The following IPO7 variants were observed in gnomAD, a reference collection of about 807,000 sequenced individuals.
IPO7 encodes importin-7.
A neutral mutation model predicts 136.4 loss-of-function variants in IPO7; 13 were observed. That is an observed-to-expected ratio of 0.10 (90% CI 0.06 to 0.15). The LOEUF (loss-of-function observed/expected upper bound fraction) is 0.15. Among genes scored for constraint, IPO7 ranks in the 10% least tolerant of loss-of-function variants. The pLI is 1.00. For missense variants in IPO7, 857 were observed against 1,240.6 expected, an observed-to-expected ratio of 0.69 and a Z score of 4.65; for synonymous variants, 403 against 404.4, an observed-to-expected ratio of 1.00 and a Z score of 0.04.
At chr11:9,410,899 T>G (rs1006106519) in intron 4 of IPO7, among the ~76,000 whole-genome samples, 6 of 152,206 alleles carry the variant, frequency 3.9e-5, no homozygotes, top group African/African-American at 1.4e-4. Flanking sequence ...CCCCTCTAAT[T>G]CTGGGACTTG....
intron 19 of IPO7, 123 bp downstream of exon 19, chr11:9,435,154 G>A: frequency 3.0e-6 from 2 of 657,314 alleles, no homozygotes; most frequent in Non-Finnish European, 5.2e-6. Flanking sequence ...ACAGAATTAA[G>A]GGCTTTAAAA....
intron 1 of IPO7, among the ~76,000 whole-genome samples, chr11:9,396,239 C>T (rs1157025220): frequency 6.6e-6 from 1 of 151,746 alleles, no homozygotes; most frequent in Non-Finnish European, 1.5e-5. Flanking sequence ...ACTAAAAATA[C>T]AAAAATTAGC....
chr11:9,436,515 CTA>C, intron 20 of IPO7, 149 bp downstream of exon 20: 1 of 554,444 alleles, frequency 1.8e-6, no homozygotes, highest in Non-Finnish European at 3.2e-6. Flanking sequence ...CAAAATGTAA[CTA>C]ATATATAATA....
intron 7 of IPO7, 28 bp downstream of exon 7, chr11:9,420,533 A>G: frequency 6.3e-7 from 1 of 1,576,534 alleles, no homozygotes; most frequent in South Asian, 1.1e-5. Context: ...TGGTGATTTA[A>G]ATTAATTTAT....
At chr11:9,410,137 G>T in intron 4 of IPO7, 51 bp downstream of exon 4, 1 of 1,318,300 alleles carries the variant, frequency 7.6e-7, no homozygotes, top group Non-Finnish European at 1.0e-6. Context: ...GGAAAAGTTG[G>T]GAAAATTTAA....
At position 9,418,008 on chromosome 11, in the gene IPO7, C is replaced by T. The variant is rs370725046; in HGVS notation, c.726+860C>T. Among the ~76,000 whole-genome samples the T allele has an allele frequency of 9.4e-5, 14 of 148,614 alleles. 1 individual carries two copies. The highest frequency in any genetic ancestry group is 4.1e-4 in the East Asian group (2 of 4,926). On this transcript the variant is annotated intron_variant, in intron 6 of 24. Coordinates refer to ENST00000379719, the MANE Select transcript of IPO7 (RefSeq NM_006391.3). Reference sequence around the variant, plus strand: ...GATTACAGGCGTGAGCCACTGTGCCCGGCCTATAGTCTAGTTTTCTAGAGA... The same window carrying T: ...GATTACAGGCGTGAGCCACTGTGCCTGGCCTATAGTCTAGTTTTCTAGAGA...
At chr11:9,439,050 A>G (rs1477325868) in intron 22 of IPO7, among the ~76,000 whole-genome samples, 2 of 152,170 alleles carry the variant, frequency 1.3e-5, no homozygotes, top group African/African-American at 4.8e-5. Flanking sequence ...GAGGTATCAG[A>G]TTCGCTTGAG....
intron 6 of IPO7, among the ~76,000 whole-genome samples, chr11:9,417,808 G>A (rs968150347): frequency 4.0e-5 from 6 of 151,000 alleles, no homozygotes; most frequent in Non-Finnish European, 5.9e-5. Flanking sequence ...CGCCTCCCAG[G>A]TTCACGCGAT....
intron 12 of IPO7, among the ~76,000 whole-genome samples, chr11:9,425,869 ACT>A (rs1317375150): frequency 1.0e-4 from 13 of 129,158 alleles, no homozygotes; most frequent in Non-Finnish European, 1.8e-4. Flanking sequence ...ACAGAGTGAG[ACT>A]CTGTCTCCAA....
intron 1 of IPO7, 138 bp from the exon 2 acceptor site, chr11:9,403,152 T>A: frequency 4.5e-6 from 3 of 673,070 alleles, no homozygotes; most frequent in Non-Finnish European, 7.9e-6. Context: ...AAGGGAGTGA[T>A]GAGAAATAAG....
At chr11:9,393,410 C>G (rs1854663988) in intron 1 of IPO7, among the ~76,000 whole-genome samples, 1 of 152,092 alleles carries the variant, frequency 6.6e-6, no homozygotes, top group East Asian at 1.9e-4. Flanking sequence ...GAGACGGAGT[C>G]TCACTGTTGC....
chr11:9,390,117 C>T (rs1322138178), intron 1 of IPO7, among the ~76,000 whole-genome samples: 1 of 152,168 alleles, frequency 6.6e-6, no homozygotes, highest in East Asian at 1.9e-4. Context: ...TCTCGAACTC[C>T]TGACCTCAGG....
At chr11:9,438,311 C>A in intron 22 of IPO7, 26 bp downstream of exon 22, 1 of 1,332,092 alleles carries the variant, frequency 7.5e-7, no homozygotes, top group Non-Finnish European at 1.1e-6. Context: ...TGGAAGAAGA[C>A]AAAACTTATC....
chr11:9,391,129 G>A (rs68060819), intron 1 of IPO7, among the ~76,000 whole-genome samples: 66,422 of 151,900 alleles, frequency 0.44, 15,551 homozygotes, highest in East Asian at 0.68. Flanking sequence ...GGTCAGATGC[G>A]GTGGCTCACG....
intron 20 of IPO7, among the ~76,000 whole-genome samples, 179 bp from the exon 21 acceptor site, chr11:9,437,575 C>T (rs1456474843): frequency 2.6e-5 from 4 of 152,168 alleles, no homozygotes; most frequent in Non-Finnish European, 4.4e-5. Flanking sequence ...TTTAATAGCT[C>T]CATGAAGACT....
chr11:9,434,006 C>T (rs1855336413), intron 18 of IPO7, among the ~76,000 whole-genome samples, 160 bp downstream of exon 18: 1 of 151,418 alleles, frequency 6.6e-6, no homozygotes, highest in Admixed American at 6.6e-5. Context: ...TCATCGCAAC[C>T]TATGCCTCCT....
At position 9,431,977 on chromosome 11, in the gene IPO7, AAAAG is replaced by A. The variant is rs774362299; in HGVS notation, c.1881+990_1881+993del. ...GCGACAGAGTGAGACACTGTGTCAG[AAAAG>A]AAAGAAAGAAAGAAAAAACAATTTG... On this transcript the variant is annotated intron_variant, in intron 16 of 24. Transcript: ENST00000379719. Among the ~76,000 whole-genome samples the A allele has an allele frequency of 2.8e-4, 43 of 152,222 alleles. 1 individual carries two copies. Among genetic ancestry groups the A allele is most frequent in the African/African-American group, 7.9e-4 (33 of 41,536 alleles).
chr11:9,408,646 A>G lies in IPO7; in HGVS notation c.320+7A>G, dbSNP rs367555719. ...ATTCTCCTGAGCTCATCAGGTATGT[A>G]TTTTTAAAATTTACCCATTTCTGCA... is the stretch of plus-strand genomic sequence containing the variant. On this transcript the variant is annotated splice_region_variant and intron_variant, in intron 3 of 24. Coordinates refer to ENST00000379719, the MANE Select transcript of IPO7 (RefSeq NM_006391.3). The G allele has an allele frequency of 7.2e-6, 10 of 1,383,120 alleles. No homozygotes were observed. Among genetic ancestry groups the G allele is most frequent in the African/African-American group, 3.5e-5 (2 of 56,606 alleles). The allele number at this position is 1,383,120 out of a possible 1,614,324, so 85.7% of individuals were successfully genotyped here. A position where few individuals can be genotyped will look rare whatever the true frequency, so the allele number is the denominator to read the frequency against.
At position 9,420,515 on chromosome 11, in the gene IPO7, T is replaced by A; in HGVS notation, c.821+10T>A. ...CAAGACTTTTTGAAAGGTAATCTCA[T>A]CCATATATGGTGATTTAAATTAATT... On this transcript the variant is annotated intron_variant, in intron 7 of 24. Coordinates refer to ENST00000379719, the MANE Select transcript of IPO7 (RefSeq NM_006391.3). 1 of 1,590,650 alleles carries A rather than the reference T, an allele frequency of 6.3e-7. No individual in the cohort carries two copies. The highest frequency in any genetic ancestry group is 8.6e-7 in the Non-Finnish European group (1 of 1,158,872).
Sources: gnomAD v4.1 joint callset for allele counts (sites outside exome capture counted in the v4.1 genomes callset) on GRCh38, gnomAD v4.1.1 for gene constraint, MANE v1.5 for transcripts, NCBI Gene and HGNC (gene_info 2026-07-23, HGNC 2026-07-21) for gene names.